Variants in CPNE7 observed in about 807,000 individuals in gnomAD.
The protein encoded by CPNE7 is copine-7.
In CPNE7, 78 loss-of-function variants were observed where a neutral mutation model predicts 66.5. The ratio of observed to expected loss-of-function variants is 1.17; its 90% CI spans 0.98 to 1.42. The LOEUF (loss-of-function observed/expected upper bound fraction) is 1.42, where lower values mean the gene tolerates loss of function less well. CPNE7 is among the 40% of genes most tolerant of loss of function. The pLI is 0.00. For missense variants in CPNE7, 1,012 were observed against 776.6 expected (o/e 1.30, Z -3.60); for synonymous variants, 468 against 336.7 (o/e 1.39, Z -4.27).
At chr16:89,589,431 C>A (rs1041453652) in intron 10 of CPNE7, among the ~76,000 whole-genome samples, 1 of 152,208 alleles carries the variant, frequency 6.6e-6, no homozygotes. Flanking sequence ...TTGGGGCTCA[C>A]CCGCGTATGC....
chr16:89,588,828 C>G lies in CPNE7; in HGVS notation c.1061+20C>G, dbSNP rs533127878. 1.8e-5 allele frequency: 29 copies of G among 1,612,122 alleles called. No homozygotes were observed. Among genetic ancestry groups the G allele is most frequent in the Non-Finnish European group, 2.5e-5 (29 of 1,179,548 alleles). On this transcript the variant is annotated intron_variant, in intron 10 of 14. Coordinates refer to ENST00000319518, the MANE Select transcript of CPNE7 (RefSeq NM_153636.3). Reference sequence around the variant, plus strand: ...TGACAGGTGCGCCCACCACCTTCCCCTCACCCCCTGGTCTCCAGGTCAGCT... The same window carrying G: ...TGACAGGTGCGCCCACCACCTTCCCGTCACCCCCTGGTCTCCAGGTCAGCT...
At position 89,577,640 on chromosome 16, in the gene CPNE7, G is replaced by C; in HGVS notation, c.276G>C (p.Glu92Asp). 1 of 1,587,906 alleles carries C rather than the reference G, an allele frequency of 6.3e-7. No homozygotes were observed. Among genetic ancestry groups the C allele is most frequent in the Non-Finnish European group, 8.6e-7 (1 of 1,167,074 alleles). ...AGGAGGTGCAGAGGCTGCGCTTTGA[G>C]GTGTACGACACGCATGGGCCCAGCG... ...YFEEVQRLRF[E>D]VYDTHGPSGF... The change falls in exon 2 of 15, where the codon GAG (glutamate) becomes GAC (aspartate). Residue 92 changes from glutamate (E) to aspartate (D), a missense_variant. Transcript: ENST00000319518.
chr16:89,595,465 C>G lies in CPNE7; in HGVS notation c.1401C>G (p.Ile467Met). The G allele has an allele frequency of 6.2e-7, 1 of 1,612,484 alleles. No homozygotes were observed. Among genetic ancestry groups the G allele is most frequent in the South Asian group, 1.1e-5 (1 of 91,030 alleles). Residue 467 changes from isoleucine (I) to methionine (M), a missense_variant, in exon 14 of 15, where the codon ATC (isoleucine) becomes ATG (methionine). Ile to Met is a conservative substitution (Grantham distance 10, BLOSUM62 1). Transcript: ENST00000319518. The stretch of plus-strand genomic sequence containing the variant: ...GTGCCTCACGCCTGCCCATGTCCAT[C>G]ATCATCGTGGGCGTGGGCAACGCCG... ...IVRASRLPMS[I>M]IIVGVGNADF... is the part of the protein sequence containing the mutation.
At chr16:89,576,726 G>T (rs1351031397) in intron 1 of CPNE7, among the ~76,000 whole-genome samples, 1 of 152,166 alleles carries the variant, frequency 6.6e-6, no homozygotes, top group Non-Finnish European at 1.5e-5. Context: ...CAGTCCGCGC[G>T]GGGCGCCAGC....
chr16:89,591,136 G>C lies in CPNE7; in HGVS notation c.1178G>C (p.Gly393Ala), dbSNP rs1358926591. ...CCCCTGCCCCCCACAGGCATCCAGG[G>C]CGTGGTGGAGGCCTACCAGAACTGC... ...PEDDECEGIQ[G>A]VVEAYQNCLP... The change falls in exon 13 of 15, where the codon GGC becomes GCC. Residue 393 changes from glycine (G) to alanine (A), a missense_variant. Transcript: ENST00000319518. 1.9e-6 allele frequency: 3 copies of C among 1,611,918 alleles called. No individual in the cohort carries two copies. In the South Asian group the frequency reaches 3.3e-5, roughly 18 times the overall value.
chr16:89,584,638 A>C lies in CPNE7; in HGVS notation c.508-136A>C. The C allele has an allele frequency of 1.5e-6, 1 of 677,410 alleles. No individual in the cohort carries two copies. Among genetic ancestry groups the C allele is most frequent in the South Asian group, 1.7e-5 (1 of 58,276 alleles). 42.0% of individuals were successfully genotyped at this position (677,410 alleles called of 1,614,324 possible). A position where few individuals can be genotyped will look rare whatever the true frequency, so the allele number is the denominator to read the frequency against. On this transcript the variant is annotated intron_variant, in intron 4 of 14. Coordinates refer to ENST00000319518, the MANE Select transcript of CPNE7 (RefSeq NM_153636.3). The surrounding 1 kb of genome is among the most constrained non-coding windows in gnomAD (Gnocchi z 6.0). Reference sequence around the variant, plus strand: ...GAGGGACGAGATGCTGTCGGCGGGGACTGGCTGCCTCGTTTTGTGCCTGAG... The same window carrying C: ...GAGGGACGAGATGCTGTCGGCGGGGCCTGGCTGCCTCGTTTTGTGCCTGAG...
chr16:89,592,400 C>T (rs1192603449), intron 13 of CPNE7, among the ~76,000 whole-genome samples: 8 of 151,550 alleles, frequency 5.3e-5, no homozygotes, highest in Non-Finnish European at 8.8e-5. Context: ...ACATTGCGCT[C>T]CTGCTTCACG....
At position 89,584,045 on chromosome 16, in the gene CPNE7, C is replaced by T; in HGVS notation, c.450C>T (p.Ile150=). ...CCTGCCAGGTGATCGCCGAGGACATCTCGGGGAACAACGGCTACGTGGAGC... is the reference window on the plus strand; with the variant it reads ...CCTGCCAGGTGATCGCCGAGGACATTTCGGGGAACAACGGCTACGTGGAGC... ...KSTITVIAED[I]SGNNGYVELS... The change falls in exon 4 of 15, where the codon ATC becomes ATT. Residue 150 remains isoleucine, a synonymous_variant. Transcript: ENST00000319518. This position sits in a 1 kb window ranked among gnomAD's most constrained non-coding sequence, Gnocchi z 6.0. 1 of 1,612,320 alleles carries T rather than the reference C, an allele frequency of 6.2e-7. No homozygotes were observed.
chr16:89,590,643 C>T (rs903914891), intron 11 of CPNE7, among the ~76,000 whole-genome samples: 11 of 151,034 alleles, frequency 7.3e-5, no homozygotes, highest in Non-Finnish European at 1.6e-4. Context: ...AGGTCTGCCT[C>T]CCTCTCTGTT....
intron 14 of CPNE7, 32 bp from the exon 15 acceptor site, chr16:89,596,452 C>A (rs368445781): frequency 8.5e-5 from 135 of 1,590,248 alleles, no homozygotes; most frequent in Admixed American, 2.1e-4. Flanking sequence ...TCTCGAAGGT[C>A]CCAGAGGTAA....
intron 14 of CPNE7, among the ~76,000 whole-genome samples, chr16:89,596,185 C>T (rs2059252258): frequency 6.6e-6 from 1 of 152,260 alleles, no homozygotes; most frequent in Non-Finnish European, 1.5e-5. Context: ...AGTCACATCA[C>T]ACAGACACGC....
At chr16:89,590,943 G>C in intron 11 of CPNE7, 64 bp from the exon 12 acceptor site, 7 of 1,588,112 alleles carry the variant, frequency 4.4e-6, no homozygotes, top group Non-Finnish European at 6.0e-6. Context: ...GCTGACCGAG[G>C]GACATGGGGC....
In CPNE7 at chr16:89,584,016, TC is replaced by T; in HGVS notation, c.433-7del. On this transcript the variant is annotated splice_polypyrimidine_tract_variant and intron_variant, in intron 3 of 14. Transcript: ENST00000319518. The surrounding 1 kb of genome is among the most constrained non-coding windows in gnomAD (Gnocchi z 6.0). ...CCTGGCCAAGCCTGGAGCCCGGGCG[TC>T]CCCCTGCCAGGTGATCGCCGAGGAC... 6.2e-7 allele frequency: 1 copy of T among 1,610,560 alleles called. No individual in the cohort carries two copies. The highest frequency in any genetic ancestry group is 8.5e-7 in the Non-Finnish European group (1 of 1,179,054).
chr16:89,580,345 CCCA>C (rs201793341), intron 2 of CPNE7, among the ~76,000 whole-genome samples: 1 of 146,260 alleles, frequency 6.8e-6, no homozygotes, highest in Admixed American at 6.8e-5. Context: ...CACGGAACAT[CCCA>C]TCACCCGTCA....
chr16:89,590,390 T>C (rs917250280), intron 11 of CPNE7, among the ~76,000 whole-genome samples: 1 of 152,070 alleles, frequency 6.6e-6, no homozygotes, highest in African/African-American at 2.4e-5. Context: ...CTGGGCGTGG[T>C]GGCACATGCT....
Position 89,575,937 on chromosome 16 carries a change from G to C in CPNE7, c.40G>C (p.Gly14Arg). 3 of 1,320,874 alleles carry C rather than the reference G, an allele frequency of 2.3e-6. No individual in the cohort carries two copies. The highest frequency in any genetic ancestry group is 3.1e-5 in the East Asian group (1 of 31,944). 81.8% of individuals were successfully genotyped at this position (1,320,874 alleles called of 1,614,324 possible). ...GSERGAAATP[G>R]GLPAPCASKV... ...GGAGCGCGGGGCGGCGGCAACCCCC[G>C]GGGGTTTGCCCGCGCCCTGCGCCTC... The change falls in exon 1 of 15, where the codon GGG becomes CGG. Residue 14 changes from glycine to arginine, a missense_variant. Physicochemically the swap from Gly to Arg is moderately radical, Grantham distance 125. Coordinates refer to ENST00000319518, the MANE Select transcript of CPNE7 (RefSeq NM_153636.3).
At position 89,596,896 on chromosome 16, in the gene CPNE7, G is replaced by A; in HGVS notation, c.*275G>A. On this transcript the variant is annotated 3_prime_UTR_variant, in exon 15 of 15. Transcript: ENST00000319518. ...TCATGAGGGACTTGGAGGGAGCTGG[G>A]AGTTCATCCACGGGAGACCCTGCCC... 2.7e-6 allele frequency: 1 copy of A among 369,854 alleles called. No individual in the cohort carries two copies. The highest frequency in any genetic ancestry group is 4.5e-5 in the East Asian group (1 of 22,158). 22.9% of individuals were successfully genotyped at this position (369,854 alleles called of 1,614,324 possible). A position where few individuals can be genotyped will look rare whatever the true frequency, so the allele number is the denominator to read the frequency against.
intron 9 of CPNE7, 35 bp downstream of exon 9, chr16:89,587,137 AGT>A: frequency 8.6e-7 from 1 of 1,158,692 alleles, no homozygotes; most frequent in Non-Finnish European, 1.1e-6. Flanking sequence ...CCGCCCCCTC[AGT>A]CCGTGGCCCC....
At chr16:89,595,314 G>A (rs1247254248) in intron 13 of CPNE7, 53 bp from the exon 14 acceptor site, 17 of 1,447,546 alleles carry the variant, frequency 1.2e-5, no homozygotes, top group African/African-American at 4.2e-5. Flanking sequence ...GTTGCAGGGC[G>A]CATGTGGGCC....
Sources: allele counts gnomAD v4.1 joint callset (sites outside exome capture counted in the v4.1 genomes callset), GRCh38; gene constraint gnomAD v4.1.1; non-coding constraint Gnocchi (gnomAD v3.1); transcripts MANE v1.5; gene names NCBI Gene and HGNC (gene_info 2026-07-23, HGNC 2026-07-21).